The following AK9 variants were observed in gnomAD, a reference collection of about 807,000 sequenced individuals.
AK9 encodes adenylate kinase domain containing 1.
A neutral mutation model predicts 239.6 loss-of-function variants in AK9; 191 were observed. That is an observed-to-expected ratio of 0.80 (90% CI 0.71 to 0.90). The LOEUF is 0.90. Among genes scored for constraint, AK9 ranks in the 40% least tolerant of loss-of-function variants. The probability of loss-of-function intolerance (pLI) is 0.00; values close to 1 mark genes in which losing one functional copy is unlikely to be tolerated. For missense variants in AK9, 1,995 were observed against 2,214.7 expected (o/e 0.90, Z 1.99); for synonymous variants, 689 against 721.0 (o/e 0.96, Z 0.71).
intron 29 of AK9, among the ~76,000 whole-genome samples, chr6:109,522,087 A>C (rs140921826): frequency 4.6e-4 from 70 of 152,174 alleles, no homozygotes; most frequent in African/African-American, 1.7e-3. Context: ...TTTCACTTAG[A>C]ATTTTACAAG....
At chr6:109,644,798 T>A in intron 8 of AK9, 110 bp from the exon 9 acceptor site, 1 of 812,528 alleles carries the variant, frequency 1.2e-6, no homozygotes, top group Non-Finnish European at 1.8e-6. Flanking sequence ...ATTGTTTGCC[T>A]TATACATGCT....
chr6:109,537,932 T>C (rs2128142065), intron 27 of AK9, among the ~76,000 whole-genome samples: 1 of 152,350 alleles, frequency 6.6e-6, no homozygotes, highest in Admixed American at 6.5e-5. Context: ...AGTTTCTTAT[T>C]CCTGAGTTCT....
At position 109,550,152 on chromosome 6, in the gene AK9, C is replaced by CA; in HGVS notation, c.2901dup (p.Glu968Ter). On this transcript the variant is annotated frameshift_variant, in exon 25 of 41. Transcript: ENST00000424296. LOFTEE classifies it high-confidence loss of function. ...TGCTCCAAAAACTTTTCTTTAGCCT[C>CA]AGCACTTGAAAAGTAGTAGATCTTT... 1 of 1,613,996 alleles carries CA rather than the reference C, an allele frequency of 6.2e-7. No individual in the cohort carries two copies. The highest frequency in any genetic ancestry group is 8.5e-7 in the Non-Finnish European group (1 of 1,180,010).
intron 10 of AK9, among the ~76,000 whole-genome samples, chr6:109,639,604 TTCACTCTGA>T (rs1303801598): frequency 6.6e-6 from 1 of 150,594 alleles, no homozygotes; most frequent in African/African-American, 2.4e-5. Context: ...AGGTTGCCTG[TTCACTCTGA>T]TGGTAGTTTC....
At chr6:109,526,707 T>C (rs568061079) in intron 29 of AK9, among the ~76,000 whole-genome samples, 16 of 152,332 alleles carry the variant, frequency 1.1e-4, no homozygotes, top group African/African-American at 2.6e-4. Flanking sequence ...TTCTTTATTA[T>C]GCTGTGGTGT....
rs1328051085 is a variant in AK9 at position 109,563,693 on chromosome 6, T to G, written c.2655A>C (p.Ala885=). The change falls in exon 24 of 41, where the codon GCA becomes GCC. Residue 885 remains alanine, a synonymous_variant. Coordinates refer to ENST00000424296, the MANE Select transcript of AK9 (RefSeq NM_001145128.3). ...ETMEKPFQYT[A]WELTGEDYEE... ...CATAATCTTCCCCAGTTAACTCCCA[T>G]GCAGTATATTGAAATGGTTCTGGAG... 1 of 1,550,422 alleles carries G rather than the reference T, an allele frequency of 6.4e-7. No individual in the cohort carries two copies. Among genetic ancestry groups the G allele is most frequent in the Admixed American group, 2.0e-5 (1 of 50,970 alleles).
chr6:109,528,140 C>T (rs922505439), intron 29 of AK9: 5 of 246,652 alleles, frequency 2.0e-5, no homozygotes, highest in Non-Finnish European at 4.0e-5. Flanking sequence ...GTGTGTTTAA[C>T]TGCAAAGCCT....
At chr6:109,542,947 T>C (rs1005692256) in intron 26 of AK9, among the ~76,000 whole-genome samples, 4 of 152,190 alleles carry the variant, frequency 2.6e-5, no homozygotes, top group Admixed American at 1.3e-4. Flanking sequence ...GCTAAACCTT[T>C]TTCAATTTAT....
At chr6:109,521,950 T>C (rs1411616036) in intron 29 of AK9, among the ~76,000 whole-genome samples, 4 of 152,054 alleles carry the variant, frequency 2.6e-5, no homozygotes, top group Non-Finnish European at 5.9e-5. Context: ...ATCAATTGGC[T>C]ACTCTTTTCA....
At chr6:109,604,093 C>T (rs1326696120) in intron 17 of AK9, among the ~76,000 whole-genome samples, 9 of 151,938 alleles carry the variant, frequency 5.9e-5, no homozygotes, top group South Asian at 2.1e-4. Flanking sequence ...ACCCACTGTC[C>T]GACAAGCCCC....
intron 12 of AK9, among the ~76,000 whole-genome samples, chr6:109,627,133 CTTTTTTTTTTTTT>C (rs71018357): frequency 1.5e-5 from 1 of 67,308 alleles, no homozygotes; most frequent in East Asian, 5.2e-4. Flanking sequence ...GATGTTTAAG[CTTTTTTTTTTTTT>C]TTTTTTTTTT....
At chr6:109,652,211 C>G (rs1005036359) in intron 8 of AK9, among the ~76,000 whole-genome samples, 2 of 152,232 alleles carry the variant, frequency 1.3e-5, no homozygotes, top group Non-Finnish European at 2.9e-5. Context: ...CCACCACGAT[C>G]AAGTTGGCTT....
intron 27 of AK9, among the ~76,000 whole-genome samples, chr6:109,541,685 C>T (rs1307626866): frequency 1.3e-5 from 2 of 152,254 alleles, no homozygotes; most frequent in South Asian, 2.1e-4. Flanking sequence ...TTTGGGATTA[C>T]AGGCATGAGC....
chr6:109,540,268 G>T (rs1782680825), intron 27 of AK9, among the ~76,000 whole-genome samples: 1 of 152,162 alleles, frequency 6.6e-6, no homozygotes, highest in African/African-American at 2.4e-5. Context: ...GAGCTTCCTG[G>T]CCGCTTTGTT....
intron 17 of AK9, among the ~76,000 whole-genome samples, chr6:109,594,615 A>G (rs1790757017): frequency 6.6e-6 from 1 of 152,200 alleles, no homozygotes; most frequent in South Asian, 2.1e-4. Flanking sequence ...AAACTATACT[A>G]CAAGACTACA....
At chr6:109,664,210 C>T (rs1800844814) in intron 5 of AK9, among the ~76,000 whole-genome samples, 1 of 152,048 alleles carries the variant, frequency 6.6e-6, no homozygotes, top group Non-Finnish European at 1.5e-5. Context: ...CCCATGTAAG[C>T]ATAACTACTT....
chr6:109,658,505 T>C (rs1188910519), intron 7 of AK9, among the ~76,000 whole-genome samples: 1 of 152,186 alleles, frequency 6.6e-6, no homozygotes, highest in Non-Finnish European at 1.5e-5. Flanking sequence ...CGGAAGTTAT[T>C]AGCCACATCT....
chr6:109,601,651 G>A (rs1401696115), intron 17 of AK9, among the ~76,000 whole-genome samples: 5 of 152,086 alleles, frequency 3.3e-5, no homozygotes, highest in African/African-American at 7.2e-5. Flanking sequence ...TTTCTGTCTC[G>A]TTGATCTGTC....
intron 25 of AK9, 50 bp downstream of exon 25, chr6:109,550,040 C>T (rs772182322): frequency 1.2e-5 from 19 of 1,569,910 alleles, no homozygotes; most frequent in South Asian, 6.8e-5. Flanking sequence ...GGTAATCAGT[C>T]CCAAAAAAAT....
Sources: gnomAD v4.1 joint callset for allele counts (sites outside exome capture counted in the v4.1 genomes callset) on GRCh38, gnomAD v4.1.1 for gene constraint, MANE v1.5 for transcripts, NCBI Gene and HGNC (gene_info 2026-07-23, HGNC 2026-07-21) for gene names.